The following B3GALT1 variants were observed in gnomAD, a reference collection of about 807,000 sequenced individuals.
B3GALT1 encodes UDP-Gal:betaGlcNAc beta 1,3-galactosyltransferase, polypeptide 1.
A neutral mutation model predicts 23.2 loss-of-function variants in B3GALT1; 10 were observed. The ratio of observed to expected loss-of-function variants is 0.43; its 90% confidence interval spans 0.27 to 0.73. The LOEUF (loss-of-function observed/expected upper bound fraction) is 0.73. Ranked by LOEUF, B3GALT1 falls within the 30% of genes least tolerant of loss-of-function variation. The pLI is 0.21. For missense variants in B3GALT1, 299 were observed against 405.4 expected (o/e 0.74, Z 2.25); for synonymous variants, 156 against 141.5 (o/e 1.10, Z -0.73).
chr2:167,726,075 A>C (rs1274106930), intron 3 of B3GALT1, among the ~76,000 whole-genome samples: 3 of 152,164 alleles, frequency 2.0e-5, no homozygotes, highest in African/African-American at 7.2e-5. Context: ...AATCAGTTCG[A>C]TAAGTCTGAG....
chr2:167,427,296 T>C (rs1698637737), intron 1 of B3GALT1, among the ~76,000 whole-genome samples: 1 of 152,170 alleles, frequency 6.6e-6, no homozygotes, highest in African/African-American at 2.4e-5. Context: ...CATCTGCTTG[T>C]TGGTGAAGTT....
chr2:167,630,639 AAAGC>A (rs955548483), intron 2 of B3GALT1, among the ~76,000 whole-genome samples: 29 of 151,758 alleles, frequency 1.9e-4, no homozygotes, highest in African/African-American at 5.8e-4. Flanking sequence ...AGCAAAAAAA[AAAGC>A]TAGATAGATA....
At chr2:167,640,085 C>T (rs534027585) in intron 2 of B3GALT1, among the ~76,000 whole-genome samples, 2 of 152,098 alleles carry the variant, frequency 1.3e-5, no homozygotes, top group Non-Finnish European at 2.9e-5. Flanking sequence ...AATAACATCT[C>T]TGTAGATAAC....
intron 2 of B3GALT1, among the ~76,000 whole-genome samples, chr2:167,571,988 A>T (rs1449184559): frequency 6.6e-6 from 1 of 151,912 alleles, no homozygotes; most frequent in East Asian, 1.9e-4. Flanking sequence ...ATCTAGTTGT[A>T]TCAGAACCAG....
At chr2:167,621,758 T>C (rs146973668) in intron 2 of B3GALT1, among the ~76,000 whole-genome samples, 2,125 of 152,078 alleles carry the variant, frequency 0.014, 117 homozygotes, top group Admixed American at 0.11. Flanking sequence ...GATCTGATGG[T>C]TTTATAAGGG....
intron 3 of B3GALT1, among the ~76,000 whole-genome samples, chr2:167,789,710 T>G (rs1279195280): frequency 6.6e-6 from 1 of 152,056 alleles, no homozygotes; most frequent in East Asian, 1.9e-4. Flanking sequence ...AAGAGGAATG[T>G]TATTGTAGAT....
chr2:167,441,822 G>T (rs918401834), intron 1 of B3GALT1, among the ~76,000 whole-genome samples: 2 of 151,172 alleles, frequency 1.3e-5, no homozygotes, highest in African/African-American at 4.9e-5. Context: ...GGGTCCAGAA[G>T]TTCAAGCCCA....
At chr2:167,609,406 T>G (rs1265381269) in intron 2 of B3GALT1, among the ~76,000 whole-genome samples, 1 of 152,092 alleles carries the variant, frequency 6.6e-6, no homozygotes, top group African/African-American at 2.4e-5. Flanking sequence ...CTTAAGCTGA[T>G]TTAGGCAATA....
At chr2:167,320,186 T>G (rs1696787469) in intron 1 of B3GALT1, among the ~76,000 whole-genome samples, 1 of 149,470 alleles carries the variant, frequency 6.7e-6, no homozygotes, top group Non-Finnish European at 1.5e-5. Flanking sequence ...TCCTGAGCTA[T>G]CTCCTTTTTT....
intron 1 of B3GALT1, among the ~76,000 whole-genome samples, chr2:167,398,921 A>G (rs1331862540): frequency 1.3e-5 from 2 of 152,140 alleles, no homozygotes; most frequent in Non-Finnish European, 2.9e-5. Flanking sequence ...TTCTGATGCC[A>G]GTATATTTAA....
intron 2 of B3GALT1, among the ~76,000 whole-genome samples, chr2:167,521,435 G>A (rs1300134767): frequency 6.6e-6 from 1 of 151,856 alleles, no homozygotes. Flanking sequence ...CACTTTAATG[G>A]CTGTATAATC....
At chr2:167,524,270 A>G (rs1487731976) in intron 2 of B3GALT1, among the ~76,000 whole-genome samples, 2 of 152,132 alleles carry the variant, frequency 1.3e-5, no homozygotes, top group African/African-American at 4.8e-5. Context: ...ACCTGGCCTT[A>G]TCTATGCACC....
intron 2 of B3GALT1, among the ~76,000 whole-genome samples, chr2:167,519,906 T>A (rs1248841925): frequency 6.6e-6 from 1 of 152,020 alleles, no homozygotes; most frequent in Non-Finnish European, 1.5e-5. Context: ...ATATCATCTC[T>A]ACCAAAAATA....
chr2:167,782,735 T>C (rs1688268034), intron 3 of B3GALT1, among the ~76,000 whole-genome samples: 1 of 152,210 alleles, frequency 6.6e-6, no homozygotes, highest in Non-Finnish European at 1.5e-5. Flanking sequence ...TAGAAAAGTA[T>C]GCAAGCATTT....
intron 2 of B3GALT1, among the ~76,000 whole-genome samples, chr2:167,601,905 A>G (rs903205713): frequency 1.3e-5 from 2 of 152,244 alleles, no homozygotes. Flanking sequence ...ATAATTGAAT[A>G]CTTAATACTC....
At chr2:167,302,333 A>G (rs565164882) in intron 1 of B3GALT1, among the ~76,000 whole-genome samples, 1 of 152,132 alleles carries the variant, frequency 6.6e-6, no homozygotes, top group African/African-American at 2.4e-5. Flanking sequence ...AATGATCATT[A>G]AAAAAATCTA....
At chr2:167,445,329 T>C (rs6735349) in intron 1 of B3GALT1, among the ~76,000 whole-genome samples, 2,644 of 152,148 alleles carry the variant, frequency 0.017, 80 homozygotes, top group African/African-American at 0.061. Flanking sequence ...TGCTGAGAGG[T>C]ATGTATATTC....
At chr2:167,690,495 G>A (rs961780514) in intron 3 of B3GALT1, among the ~76,000 whole-genome samples, 3 of 151,914 alleles carry the variant, frequency 2.0e-5, no homozygotes, top group Admixed American at 6.6e-5. Context: ...TTTATTTTTG[G>A]TGCAGATTTT....
At chr2:167,534,641 G>A (rs1006631319) in intron 2 of B3GALT1, among the ~76,000 whole-genome samples, 3 of 152,142 alleles carry the variant, frequency 2.0e-5, no homozygotes, top group African/African-American at 7.2e-5. Context: ...TAGTTGAGCT[G>A]AGTCATAAGC....
Sources: allele counts gnomAD v4.1 joint callset (sites outside exome capture counted in the v4.1 genomes callset), GRCh38; gene constraint gnomAD v4.1.1; transcripts MANE v1.5; gene names NCBI Gene and HGNC (gene_info 2026-07-23, HGNC 2026-07-21).